ST7: variants seen among roughly 807,000 people sequenced by gnomAD.
The protein encoded by ST7 is suppressor of tumorigenicity 7 protein.
In ST7, 28 loss-of-function variants were observed where a neutral mutation model predicts 78.7. The observed-to-expected ratio is 0.36, with a 90% CI of 0.26 to 0.49. ST7 has a LOEUF of 0.49. Ranked by LOEUF, ST7 falls within the 20% of genes least tolerant of loss-of-function variation. The probability of loss-of-function intolerance (pLI) is 0.99; values close to 1 mark genes in which losing one functional copy is unlikely to be tolerated. For missense variants in ST7, 418 were observed against 696.0 expected (o/e 0.60, Z 4.49); for synonymous variants, 247 against 249.6 (o/e 0.99, Z 0.10).
intron 1 of ST7, chr7:117,020,725 T>G: frequency 6.7e-7 from 1 of 1,501,666 alleles, no homozygotes; most frequent in East Asian, 2.5e-5. Context: ...CTTAGGTCAT[T>G]AACAACCTTT....
At position 117,219,307 on chromosome 7, in the gene ST7, T is replaced by C; in HGVS notation, c.1498+131T>C. 1.4e-6 allele frequency: 1 copy of C among 734,092 alleles called. No individual in the cohort carries two copies. The highest frequency in any genetic ancestry group is 1.8e-5 in the South Asian group (1 of 55,280). The allele number at this position is 734,092 out of a possible 1,614,324, so 45.5% of individuals were successfully genotyped here. A position where few individuals can be genotyped will look rare whatever the true frequency, so the allele number is the denominator to read the frequency against. The stretch of plus-strand genomic sequence containing the variant: ...TCTCCAAACCCCTGTCCTTGTTTGA[T>C]AGCATATGTATTAAAGTGAATTATG... On this transcript the variant is annotated intron_variant, in intron 14 of 15. Transcript: ENST00000323984. The surrounding 1 kb of genome is among the most constrained non-coding windows in gnomAD (Gnocchi z 5.1).
At chr7:116,981,119 T>G (rs1022010524) in intron 1 of ST7, among the ~76,000 whole-genome samples, 5 of 152,122 alleles carry the variant, frequency 3.3e-5, no homozygotes, top group African/African-American at 1.2e-4. Context: ...GTTTTGTTTT[T>G]TTTTTTAAAT....
chr7:116,972,660 A>G (rs1157491318), intron 1 of ST7: 18 of 1,140,914 alleles, frequency 1.6e-5, no homozygotes, highest in Middle Eastern at 5.3e-4. Context: ...CACTCTCATC[A>G]GCAGTTTTTT....
intron 1 of ST7, among the ~76,000 whole-genome samples, chr7:116,995,607 G>A (rs890635016): frequency 1.3e-5 from 2 of 152,184 alleles, no homozygotes; most frequent in African/African-American, 2.4e-5. Context: ...GTAATGTCTA[G>A]TGTTTTTCTT....
intron 1 of ST7, among the ~76,000 whole-genome samples, chr7:117,024,470 T>TGCA (rs1796093253): frequency 6.6e-6 from 1 of 152,202 alleles, no homozygotes; most frequent in African/African-American, 2.4e-5. Context: ...TGTGCCCTGG[T>TGCA]CTAACACGTT....
At chr7:117,132,765 AT>A (rs1341895970) in intron 6 of ST7, among the ~76,000 whole-genome samples, 1 of 151,456 alleles carries the variant, frequency 6.6e-6, no homozygotes, top group Non-Finnish European at 1.5e-5. Context: ...CATGCAACAT[AT>A]TTATTTTCCA....
At chr7:117,063,951 A>G (rs1237548587) in intron 1 of ST7, among the ~76,000 whole-genome samples, 1 of 152,216 alleles carries the variant, frequency 6.6e-6, no homozygotes, top group Non-Finnish European at 1.5e-5. Flanking sequence ...TATGATTTGA[A>G]GCACAATAAT....
intron 1 of ST7, among the ~76,000 whole-genome samples, chr7:117,030,293 A>G (rs1312195890): frequency 6.6e-6 from 1 of 152,222 alleles, no homozygotes; most frequent in Non-Finnish European, 1.5e-5. Flanking sequence ...CCCACTGAAT[A>G]TATGTTTCTA....
intron 1 of ST7, among the ~76,000 whole-genome samples, chr7:117,005,937 G>A (rs1259688077): frequency 6.6e-6 from 1 of 152,138 alleles, no homozygotes; most frequent in Non-Finnish European, 1.5e-5. Context: ...ATTTAAGAGA[G>A]TCAACAATAG....
At chr7:116,976,541 G>A (rs1334086084) in intron 1 of ST7, among the ~76,000 whole-genome samples, 4 of 152,172 alleles carry the variant, frequency 2.6e-5, no homozygotes, top group Non-Finnish European at 2.9e-5. Flanking sequence ...AAGAAGCCAA[G>A]TGGAAATATG....
At chr7:117,205,052 A>T (rs987767109) in intron 12 of ST7, among the ~76,000 whole-genome samples, 6 of 152,150 alleles carry the variant, frequency 3.9e-5, no homozygotes, top group Admixed American at 1.3e-4. Flanking sequence ...TGGACAACAG[A>T]GTGAGACCCC....
At chr7:116,999,639 A>G (rs1435370015) in intron 1 of ST7, among the ~76,000 whole-genome samples, 1 of 152,170 alleles carries the variant, frequency 6.6e-6, no homozygotes, top group Admixed American at 6.6e-5. Flanking sequence ...TAGAAGGGAA[A>G]GAAAGGTTAG....
chr7:117,134,246 G>A, intron 7 of ST7, 54 bp downstream of exon 7: 2 of 1,607,458 alleles, frequency 1.2e-6, no homozygotes, highest in South Asian at 1.1e-5. Flanking sequence ...GACTTCTAGT[G>A]GATATCTGGA....
chr7:117,169,091 A>G (rs867348438), intron 9 of ST7, among the ~76,000 whole-genome samples: 4 of 150,556 alleles, frequency 2.7e-5, no homozygotes, highest in African/African-American at 4.9e-5. Flanking sequence ...AACCTGGTTA[A>G]CTTTCTTTTA....
At chr7:117,220,993 T>C (rs1793045202) in intron 14 of ST7, among the ~76,000 whole-genome samples, 1 of 152,142 alleles carries the variant, frequency 6.6e-6, no homozygotes, top group Non-Finnish European at 1.5e-5. Flanking sequence ...CCTCTGGTCC[T>C]CTTGGTTAGA....
At chr7:117,040,529 A>G (rs990604493) in intron 1 of ST7, among the ~76,000 whole-genome samples, 8 of 152,196 alleles carry the variant, frequency 5.3e-5, no homozygotes, top group African/African-American at 1.9e-4. Flanking sequence ...GTAGGTATAT[A>G]TTTGCTCTTC....
At chr7:116,994,622 A>G (rs1794569002) in intron 1 of ST7, among the ~76,000 whole-genome samples, 1 of 152,190 alleles carries the variant, frequency 6.6e-6, no homozygotes, top group South Asian at 2.1e-4. Context: ...AAACCAATGG[A>G]CGCAATGTTT....
chr7:117,052,509 A>G (rs1001760846), intron 1 of ST7, among the ~76,000 whole-genome samples: 1 of 152,248 alleles, frequency 6.6e-6, no homozygotes, highest in African/African-American at 2.4e-5. Flanking sequence ...TATGAATAAA[A>G]TATCTTCACT....
At chr7:117,160,027 C>T (rs1563130788) in intron 9 of ST7, among the ~76,000 whole-genome samples, 1 of 151,912 alleles carries the variant, frequency 6.6e-6, no homozygotes, top group East Asian at 1.9e-4. Flanking sequence ...CATGGTGAAA[C>T]CCTGTCTCCC....
Sources: gnomAD v4.1 joint callset for allele counts (sites outside exome capture counted in the v4.1 genomes callset) on GRCh38, gnomAD v4.1.1 for gene constraint, Gnocchi (gnomAD v3.1) non-coding constraint, MANE v1.5 for transcripts, NCBI Gene and HGNC (gene_info 2026-07-23, HGNC 2026-07-21) for gene names.